Variants in PNPLA4 observed in about 807,000 individuals in gnomAD.
The protein encoded by PNPLA4 is patatin-like phospholipase domain-containing protein 4.
In PNPLA4, 15 loss-of-function variants were observed where a neutral mutation model predicts 18.3. The ratio of observed to expected loss-of-function variants is 0.82; its 90% CI spans 0.55 to 1.26. The LOEUF is 1.26. Among genes scored for constraint, PNPLA4 ranks in the 50% most tolerant of loss-of-function variants. PNPLA4 has a pLI of 0.00. For synonymous variants in PNPLA4, 88 were observed against 85.6 expected (o/e 1.03, Z -0.16); for missense variants, 229 against 196.8 (o/e 1.16, Z -0.98).
chrX:7,925,839 T>C (rs1187632106), intron 2 of PNPLA4, 101 bp downstream of exon 2: 48 of 654,078 alleles, frequency 7.3e-5, no homozygotes, highest in Non-Finnish European at 1.1e-4. Context: ...AAGCAAACGA[T>C]TATTTCTCTG....
At chrX:7,919,252 C>A (rs1751736971) in intron 4 of PNPLA4, among the ~76,000 whole-genome samples, 1 of 112,747 alleles carries the variant, frequency 8.9e-6, no homozygotes, top group South Asian at 3.6e-4. Context: ...CCCCTTCAAA[C>A]AAGACACATG....
At chrX:7,904,302 C>T (rs1280062518) in intron 5 of PNPLA4, among the ~76,000 whole-genome samples, 2 of 112,438 alleles carry the variant, frequency 1.8e-5, no homozygotes, top group Non-Finnish European at 3.8e-5. Context: ...TTCTAATTTA[C>T]TGTGGGGTTA....
At chrX:7,926,336 A>T (rs1295918943) in intron 1 of PNPLA4, among the ~76,000 whole-genome samples, 1 of 112,454 alleles carries the variant, frequency 8.9e-6, no homozygotes, top group Non-Finnish European at 1.9e-5. Context: ...CAAGTCTTAT[A>T]CATTAAAACA....
intron 5 of PNPLA4, among the ~76,000 whole-genome samples, chrX:7,907,179 G>A (rs374298607): frequency 1.8e-5 from 2 of 110,724 alleles, no homozygotes; most frequent in Admixed American, 9.6e-5. Flanking sequence ...CACCATGCCC[G>A]GCTAATTTTT....
intron 5 of PNPLA4, among the ~76,000 whole-genome samples, chrX:7,905,745 G>C (rs1283767632): frequency 8.9e-6 from 1 of 112,112 alleles, no homozygotes; most frequent in East Asian, 2.8e-4. Flanking sequence ...AGAGGAAACT[G>C]AGGCTTGCAG....
chrX:7,924,862 A>C (rs976329861), intron 2 of PNPLA4, among the ~76,000 whole-genome samples: 1 of 112,183 alleles, frequency 8.9e-6, no homozygotes, highest in Admixed American at 9.4e-5. Context: ...CAGCTCAAGA[A>C]AAGACTGCAG....
intron 5 of PNPLA4, among the ~76,000 whole-genome samples, chrX:7,902,513 T>C (rs1023634665): frequency 2.7e-5 from 3 of 112,305 alleles, no homozygotes; most frequent in Non-Finnish European, 5.6e-5. Context: ...ATTTTTATTA[T>C]ATGAATTGGA....
chrX:7,904,462 A>G (rs944420471), intron 5 of PNPLA4, among the ~76,000 whole-genome samples: 17 of 111,549 alleles, frequency 1.5e-4, no homozygotes, highest in South Asian at 3.7e-4. Context: ...CTCCTTCACA[A>G]CCCTTGATGC....
chrX:7,914,029 A>G (rs1218935890), intron 4 of PNPLA4, among the ~76,000 whole-genome samples: 1 of 112,292 alleles, frequency 8.9e-6, no homozygotes, highest in African/African-American at 3.2e-5. Flanking sequence ...TTATTGAAAT[A>G]TTGAAAGCAT....
intron 5 of PNPLA4, 38 bp downstream of exon 5, chrX:7,911,990 T>C (rs1288503230): frequency 5.4e-6 from 5 of 925,832 alleles, no homozygotes; most frequent in Non-Finnish European, 7.8e-6. Flanking sequence ...CATATTAATA[T>C]AGGGAGGAGG....
intron 5 of PNPLA4, among the ~76,000 whole-genome samples, chrX:7,909,272 G>A (rs1266529362): frequency 1.8e-5 from 2 of 111,732 alleles, no homozygotes; most frequent in African/African-American, 6.5e-5. Context: ...AATAACAAAA[G>A]TTTTAGGCTG....
intron 1 of PNPLA4, 109 bp from the exon 2 acceptor site, chrX:7,926,241 G>A: frequency 5.7e-6 from 3 of 526,958 alleles, no homozygotes; most frequent in Non-Finnish European, 8.9e-6. Flanking sequence ...ATCATTCTCT[G>A]TTTTAAGCAC....
chrX:7,902,183 C>T (rs754009226), intron 5 of PNPLA4, 42 bp from the exon 6 acceptor site: 1 of 1,131,611 alleles, frequency 8.8e-7, no homozygotes, highest in African/African-American at 1.8e-5. Flanking sequence ...GTCAACAACA[C>T]ATCCTGCACA....
At chrX:7,919,531 T>C (rs1406044224) in intron 4 of PNPLA4, among the ~76,000 whole-genome samples, 1 of 112,458 alleles carries the variant, frequency 8.9e-6, no homozygotes, top group African/African-American at 3.2e-5. Context: ...TGACACAGAA[T>C]CCAGAAAAGG....
intron 4 of PNPLA4, among the ~76,000 whole-genome samples, chrX:7,919,203 G>C (rs924524428): frequency 2.0e-4 from 22 of 112,715 alleles, no homozygotes; most frequent in African/African-American, 7.1e-4. Flanking sequence ...AACAGCAATA[G>C]TTTGCTATTG....
intron 4 of PNPLA4, among the ~76,000 whole-genome samples, chrX:7,913,061 A>C (rs1256790880): frequency 8.9e-6 from 1 of 112,076 alleles, no homozygotes; most frequent in African/African-American, 3.2e-5. Flanking sequence ...TTACAGACTC[A>C]GTCACCAGCA....
intron 5 of PNPLA4, among the ~76,000 whole-genome samples, chrX:7,904,212 T>C (rs1022203639): frequency 1.8e-5 from 2 of 112,430 alleles, no homozygotes; most frequent in African/African-American, 3.2e-5. Context: ...ATTAAAGATA[T>C]GCAACTTTAA....
chrX:7,911,953 T>C (rs1923889016), intron 5 of PNPLA4, 75 bp downstream of exon 5: 1 of 702,252 alleles, frequency 1.4e-6, no homozygotes, highest in Non-Finnish European at 2.2e-6. Context: ...ACTAGAATAA[T>C]TATAAAATTG....
intron 5 of PNPLA4, among the ~76,000 whole-genome samples, chrX:7,905,948 G>A (rs140823728): frequency 6.2e-5 from 7 of 112,486 alleles, no homozygotes; most frequent in African/African-American, 1.3e-4. Context: ...ATACTTTACA[G>A]AGAATAAAAC....
Sources: gnomAD v4.1 joint callset for allele counts (sites outside exome capture counted in the v4.1 genomes callset) on GRCh38, gnomAD v4.1.1 for gene constraint, MANE v1.5 for transcripts, NCBI Gene and HGNC (gene_info 2026-07-23, HGNC 2026-07-21) for gene names.